SNTB1: variants seen among roughly 807,000 people sequenced by gnomAD.
SNTB1 encodes beta-1-syntrophin.
A neutral mutation model predicts 48.9 loss-of-function variants in SNTB1; 36 were observed. The observed-to-expected ratio is 0.74, with a 90% CI of 0.56 to 0.97. The LOEUF (loss-of-function observed/expected upper bound fraction) is 0.97. SNTB1 is among the 50% of genes least tolerant of loss of function. The pLI is 0.00. For missense variants in SNTB1, 786 were observed against 703.4 expected (o/e 1.12, Z -1.33); for synonymous variants, 299 against 294.6 (o/e 1.01, Z -0.15).
intron 1 of SNTB1, among the ~76,000 whole-genome samples, chr8:120,719,742 G>A (rs1818624873): frequency 6.6e-6 from 1 of 152,168 alleles, no homozygotes; most frequent in Non-Finnish European, 1.5e-5. Flanking sequence ...CCAGGATGTA[G>A]GGAAAGAGAG....
intron 1 of SNTB1, among the ~76,000 whole-genome samples, chr8:120,753,704 A>G (rs1819261963): frequency 6.6e-6 from 1 of 152,202 alleles, no homozygotes; most frequent in African/African-American, 2.4e-5. Flanking sequence ...GTGTGCGGTC[A>G]GCAGAACAAC....
intron 4 of SNTB1, among the ~76,000 whole-genome samples, chr8:120,564,120 A>C (rs975542469): frequency 2.0e-5 from 3 of 152,116 alleles, no homozygotes; most frequent in Middle Eastern, 3.4e-3. Context: ...AACAAAAAAA[A>C]AAAAAAAGAA....
At chr8:120,669,084 T>G (rs902365269) in intron 2 of SNTB1, among the ~76,000 whole-genome samples, 3 of 152,180 alleles carry the variant, frequency 2.0e-5, no homozygotes, top group African/African-American at 7.2e-5. Flanking sequence ...GGCTCCAGCT[T>G]TGAGATGAGC....
chr8:120,630,698 C>A (rs1227917266), intron 3 of SNTB1, among the ~76,000 whole-genome samples: 1 of 152,092 alleles, frequency 6.6e-6, no homozygotes, highest in Non-Finnish European at 1.5e-5. Context: ...TTGCACAGCA[C>A]CTGATTTTTT....
intron 4 of SNTB1, among the ~76,000 whole-genome samples, chr8:120,574,396 A>C (rs1815913846): frequency 6.6e-6 from 1 of 152,194 alleles, no homozygotes; most frequent in Non-Finnish European, 1.5e-5. Flanking sequence ...ATATAGAGGA[A>C]GGAGGAAATT....
chr8:120,592,883 A>G (rs961717412), intron 3 of SNTB1, among the ~76,000 whole-genome samples: 1 of 152,138 alleles, frequency 6.6e-6, no homozygotes, highest in Admixed American at 6.5e-5. Flanking sequence ...AATCTGCTGT[A>G]TACACCTGGA....
chr8:120,550,514 C>T (rs1463304630), intron 4 of SNTB1, among the ~76,000 whole-genome samples: 1 of 148,842 alleles, frequency 6.7e-6, no homozygotes, highest in Non-Finnish European at 1.5e-5. Flanking sequence ...TGCACTCCAG[C>T]CTGGGCAACA....
At chr8:120,592,387 C>T (rs528046933) in intron 3 of SNTB1, among the ~76,000 whole-genome samples, 1 of 151,786 alleles carries the variant, frequency 6.6e-6, no homozygotes, top group African/African-American at 2.4e-5. Flanking sequence ...GAAGCTGTTG[C>T]TACATTGCCC....
chr8:120,704,105 A>C (rs1358649474), intron 1 of SNTB1, among the ~76,000 whole-genome samples: 2 of 152,148 alleles, frequency 1.3e-5, no homozygotes, highest in Non-Finnish European at 2.9e-5. Context: ...GCAAATGTTC[A>C]TGTCTGAAAC....
chr8:120,766,651 C>T (rs1708147140), intron 1 of SNTB1, among the ~76,000 whole-genome samples: 1 of 152,072 alleles, frequency 6.6e-6, no homozygotes, highest in African/African-American at 2.4e-5. Context: ...GTGTATCTTC[C>T]AAGTAATTAG....
chr8:120,807,774 T>C (rs1820360155), intron 1 of SNTB1, among the ~76,000 whole-genome samples: 3 of 152,152 alleles, frequency 2.0e-5, no homozygotes, highest in Admixed American at 6.5e-5. Context: ...TTGAACCCAA[T>C]AACTCCAACC....
intron 2 of SNTB1, among the ~76,000 whole-genome samples, chr8:120,674,385 A>G (rs1299414575): frequency 6.6e-6 from 1 of 152,230 alleles, no homozygotes; most frequent in Admixed American, 6.5e-5. Flanking sequence ...ATGAAGAGCA[A>G]AAGCAAACAA....
At chr8:120,680,911 A>G (rs1437351657) in intron 2 of SNTB1, among the ~76,000 whole-genome samples, 1 of 151,472 alleles carries the variant, frequency 6.6e-6, no homozygotes, top group Non-Finnish European at 1.5e-5. Flanking sequence ...GACATGGGCT[A>G]AAATGAACTC....
At chr8:120,610,603 T>C (rs1165380651) in intron 3 of SNTB1, among the ~76,000 whole-genome samples, 1 of 152,044 alleles carries the variant, frequency 6.6e-6, no homozygotes, top group East Asian at 1.9e-4. Flanking sequence ...TTTAAAACAG[T>C]AAGGAAAGGA....
chr8:120,804,864 C>T (rs1820301833), intron 1 of SNTB1, among the ~76,000 whole-genome samples: 2 of 152,162 alleles, frequency 1.3e-5, no homozygotes, highest in South Asian at 4.1e-4. Context: ...AAGGCATTTG[C>T]CTTCTATAAT....
intron 3 of SNTB1, among the ~76,000 whole-genome samples, chr8:120,632,020 T>G (rs1030627195): frequency 3.9e-5 from 6 of 152,230 alleles, no homozygotes; most frequent in Non-Finnish European, 7.3e-5. Context: ...AAATGTATAA[T>G]TGAATCATCT....
chr8:120,660,697 C>A (rs1203872127), intron 2 of SNTB1, among the ~76,000 whole-genome samples: 2 of 152,216 alleles, frequency 1.3e-5, no homozygotes, highest in African/African-American at 2.4e-5. Flanking sequence ...GCACAAGAAG[C>A]CTAACTTTCA....
chr8:120,706,043 C>A (rs1205700881), intron 1 of SNTB1, among the ~76,000 whole-genome samples: 1 of 151,986 alleles, frequency 6.6e-6, no homozygotes, highest in Non-Finnish European at 1.5e-5. Context: ...CAGCACCTAT[C>A]TCTTAGGATT....
At chr8:120,676,042 C>G (rs1407700923) in intron 2 of SNTB1, among the ~76,000 whole-genome samples, 1 of 152,178 alleles carries the variant, frequency 6.6e-6, no homozygotes, top group Non-Finnish European at 1.5e-5. Flanking sequence ...TGTGATAACA[C>G]TTGCTAAATA....
Sources: allele counts gnomAD v4.1 joint callset (sites outside exome capture counted in the v4.1 genomes callset), GRCh38; gene constraint gnomAD v4.1.1; transcripts MANE v1.5; gene names NCBI Gene and HGNC (gene_info 2026-07-23, HGNC 2026-07-21).